The following COL4A6 variants were observed in gnomAD, a reference collection of about 807,000 sequenced individuals.
COL4A6 encodes the protein collagen alpha-6(IV) chain.
In COL4A6, 59 loss-of-function variants were observed where a neutral mutation model predicts 126.7. That is an observed-to-expected ratio of 0.47 (90% CI 0.38 to 0.58). The LOEUF (loss-of-function observed/expected upper bound fraction) is 0.58, where lower values mean the gene tolerates loss of function less well. COL4A6 is among the 20% of genes least tolerant of loss of function. The pLI is 0.00. For synonymous variants in COL4A6, 547 were observed against 496.6 expected (o/e 1.10, Z -1.35); for missense variants, 1,285 against 1,337.3 (o/e 0.96, Z 0.61).
chrX:108,427,985 C>A (rs976562928), intron 2 of COL4A6, among the ~76,000 whole-genome samples: 1 of 111,318 alleles, frequency 9.0e-6, no homozygotes, highest in African/African-American at 3.3e-5. Context: ...ACTTGAAAGA[C>A]TTGAAAACAT....
chrX:108,274,835 G>C (rs2037553514), intron 3 of COL4A6, among the ~76,000 whole-genome samples: 1 of 111,333 alleles, frequency 9.0e-6, no homozygotes, highest in African/African-American at 3.3e-5. Flanking sequence ...TTTCTTCAAA[G>C]CCAGCTGGAC....
rs1375138331 is a variant in COL4A6, at chrX:108,204,397, G to A, written c.703C>T (p.Pro235Ser). 6 of 1,203,077 alleles carry A rather than the reference G, an allele frequency of 5.0e-6. No individual in the cohort carries two copies. Among genetic ancestry groups the A allele is most frequent in the Non-Finnish European group, 6.7e-6 (6 of 890,726 alleles). ...GATGGTGGAGGTCCTGCTGGGCCAG[G>A]GAGGCCAACATCCCCCTGTAAGATC... ...EKGVKGDVGL[P>S]GPAGPPPSTG... Residue 235 changes from proline (P) to serine (S), a missense_variant, in exon 12 of 45, where the codon CCT (proline) becomes TCT (serine). Physicochemically the swap from Pro to Ser is moderately conservative, Grantham distance 74. Transcript: ENST00000334504.
At chrX:108,301,388 G>T (rs143199393) in intron 3 of COL4A6, among the ~76,000 whole-genome samples, 3,345 of 111,774 alleles carry the variant, frequency 0.03, 119 homozygotes, top group African/African-American at 0.1. Flanking sequence ...CCCAGACAGG[G>T]ATATAAATGG....
At chrX:108,433,854 G>C (rs2064216103) in intron 2 of COL4A6, among the ~76,000 whole-genome samples, 1 of 112,032 alleles carries the variant, frequency 8.9e-6, no homozygotes, top group South Asian at 3.8e-4. Context: ...ACAGGGAGCT[G>C]TGGTGTGTGC....
chrX:108,287,531 C>T (rs2038040017), intron 3 of COL4A6, among the ~76,000 whole-genome samples: 1 of 111,790 alleles, frequency 8.9e-6, no homozygotes, highest in African/African-American at 3.3e-5. Context: ...GAGGCATGAT[C>T]CTTTTAGTAC....
At chrX:108,237,906 CTATG>C (rs2036474058) in intron 3 of COL4A6, among the ~76,000 whole-genome samples, 1 of 97,292 alleles carries the variant, frequency 1.0e-5, no homozygotes, top group Non-Finnish European at 2.1e-5. Context: ...ATCTATCTAT[CTATG>C]TATCATTTAT....
At chrX:108,274,450 C>G (rs376944734) in intron 3 of COL4A6, among the ~76,000 whole-genome samples, 1 of 111,070 alleles carries the variant, frequency 9.0e-6, no homozygotes, top group African/African-American at 3.3e-5. Context: ...AAGAACCAGA[C>G]GCAGGAGGTG....
intron 2 of COL4A6, among the ~76,000 whole-genome samples, chrX:108,385,669 A>T (rs1277835694): frequency 1.8e-5 from 2 of 112,162 alleles, no homozygotes; most frequent in Non-Finnish European, 3.8e-5. Flanking sequence ...AATAGAATTG[A>T]GACTTAAGAC....
At chrX:108,413,221 T>C (rs1317588755) in intron 2 of COL4A6, among the ~76,000 whole-genome samples, 1 of 111,878 alleles carries the variant, frequency 8.9e-6, no homozygotes, top group Non-Finnish European at 1.9e-5. Context: ...AGATTACTGA[T>C]GCCAAAATTC....
intron 2 of COL4A6, among the ~76,000 whole-genome samples, chrX:108,320,507 T>G (rs1356858078): frequency 9.0e-6 from 1 of 111,285 alleles, no homozygotes; most frequent in South Asian, 3.9e-4. Flanking sequence ...TGGAAGGAAC[T>G]GAGCACAGGC....
At chrX:108,374,358 G>A (rs995911548) in intron 2 of COL4A6, among the ~76,000 whole-genome samples, 2 of 111,868 alleles carry the variant, frequency 1.8e-5, no homozygotes, top group African/African-American at 6.5e-5. Flanking sequence ...GAACAATGGG[G>A]AAACTAAGGC....
chrX:108,277,103 T>C (rs980309788), intron 3 of COL4A6, among the ~76,000 whole-genome samples: 5 of 111,640 alleles, frequency 4.5e-5, no homozygotes, highest in Non-Finnish European at 7.5e-5. Flanking sequence ...TGCATTTCCA[T>C]CTGAGGTACC....
chrX:108,360,172 C>G (rs1278945553), intron 2 of COL4A6, among the ~76,000 whole-genome samples: 1 of 112,303 alleles, frequency 8.9e-6, no homozygotes, highest in Non-Finnish European at 1.9e-5. Context: ...TAATTTCATT[C>G]TTGTCAATAT....
At chrX:108,242,041 C>T (rs1266202674) in intron 3 of COL4A6, among the ~76,000 whole-genome samples, 1 of 102,132 alleles carries the variant, frequency 9.8e-6, no homozygotes, top group African/African-American at 3.6e-5. Context: ...ATTGCCCAGG[C>T]TGGTCTCAAA....
chrX:108,220,103 C>A (rs1414768378), intron 4 of COL4A6, among the ~76,000 whole-genome samples: 1 of 111,862 alleles, frequency 8.9e-6, no homozygotes, highest in African/African-American at 3.3e-5. Context: ...AGCCGAACAA[C>A]TCTCCTTATC....
chrX:108,165,872 A>G (rs2034114169), intron 37 of COL4A6, among the ~76,000 whole-genome samples: 1 of 112,825 alleles, frequency 8.9e-6, no homozygotes, highest in East Asian at 2.8e-4. Context: ...CTCTTAAGTT[A>G]GCCAGTTATG....
rs1370588078 is a variant in COL4A6 at position 108,180,615 on chromosome X, T to G, written c.2031A>C (p.Lys677Asn). ...FPGTPGFPGP[K>N]GSRGLPGTPG... ...GGGTCCCAGGGAGGCCTCGAGACCC[T>G]TTAGGGCCTGAAAACCCAAATGTAA... Residue 677 changes from lysine (K) to asparagine (N), a missense_variant, in exon 25 of 45, where the codon AAA becomes AAC. Transcript: ENST00000334504. 8.4e-7 allele frequency: 1 copy of G among 1,183,544 alleles called. No homozygotes were observed. The highest frequency in any genetic ancestry group is 2.6e-5 in the Admixed American group (1 of 38,405).
At chrX:108,327,568 A>G (rs1162177839) in intron 2 of COL4A6, among the ~76,000 whole-genome samples, 1 of 109,985 alleles carries the variant, frequency 9.1e-6, no homozygotes, top group East Asian at 2.9e-4. Flanking sequence ...TTATGTTTCC[A>G]TTTCCATGGA....
At chrX:108,367,496 T>C (rs778888704) in intron 2 of COL4A6, among the ~76,000 whole-genome samples, 2 of 111,660 alleles carry the variant, frequency 1.8e-5, no homozygotes, top group South Asian at 7.5e-4. Context: ...ATGTGACAAA[T>C]TGTAATTATA....
Sources: gnomAD v4.1 joint callset for allele counts (sites outside exome capture counted in the v4.1 genomes callset) on GRCh38, gnomAD v4.1.1 for gene constraint, MANE v1.5 for transcripts, NCBI Gene and HGNC (gene_info 2026-07-23, HGNC 2026-07-21) for gene names.